Variants in GRIPAP1 observed in about 807,000 individuals in gnomAD.
GRIPAP1 encodes GRIP1 associated protein 1.
Under a neutral mutation model 84.1 loss-of-function variants are expected in GRIPAP1, and 14 were observed. The observed-to-expected ratio is 0.17, with a 90% CI of 0.11 to 0.26. The LOEUF (loss-of-function observed/expected upper bound fraction) is 0.26. Ranked by LOEUF, GRIPAP1 falls within the 10% of genes least tolerant of loss-of-function variation. The probability of loss-of-function intolerance (pLI) is 1.00; values close to 1 mark genes in which losing one functional copy is unlikely to be tolerated. For missense variants in GRIPAP1, 518 were observed against 674.2 expected (o/e 0.77, Z 2.57); for synonymous variants, 261 against 256.8 (o/e 1.02, Z -0.15).
intron 18 of GRIPAP1, 21 bp from the exon 19 acceptor site, chrX:48,981,712 T>A: frequency 8.5e-7 from 1 of 1,182,053 alleles, no homozygotes; most frequent in Non-Finnish European, 1.2e-6. Context: ...GAAAGCAGCT[T>A]AGGCATTGGC....
At position 48,983,860 on chromosome X, in the gene GRIPAP1, C is replaced by T. The variant is rs139086270; in HGVS notation, c.1187G>A (p.Arg396Gln). Residue 396 changes from arginine to glutamine, a missense_variant, in exon 15 of 26, where the codon CGG (arginine) becomes CAG (glutamine). Arg to Gln is a conservative substitution (Grantham distance 43). Coordinates refer to ENST00000376423, the MANE Select transcript of GRIPAP1 (RefSeq NM_020137.5). ...DLNSQLQESL[R>Q]ANSRLLEQLQ... ...TTGTTCCAGCAGTCGACTATTGGCCCGTAATGACTCCTAATGCAGACACCA... is the reference window on the plus strand; with the variant it reads ...TTGTTCCAGCAGTCGACTATTGGCCTGTAATGACTCCTAATGCAGACACCA... 748 of 1,146,651 alleles carry T rather than the reference C, an allele frequency of 6.5e-4. 1 individual carries two copies. Among genetic ancestry groups the T allele is most frequent in the Non-Finnish European group, 7.2e-4 (605 of 837,854 alleles). 94.5% of individuals were successfully genotyped at this position (1,146,651 alleles called of 1,213,427 possible).
chrX:48,991,257 A>G (rs1257691330), intron 6 of GRIPAP1, 147 bp from the exon 7 acceptor site: 5 of 462,316 alleles, frequency 1.1e-5, no homozygotes, highest in South Asian at 3.2e-5. Context: ...ACGAAGGTTC[A>G]GCTCTATCCA....
rs911314884 is a variant in GRIPAP1, at chrX:48,994,379, G to A, written c.307-801C>T. Among the ~76,000 whole-genome samples, 25 of 109,893 alleles carry A rather than the reference G, an allele frequency of 2.3e-4. No individual in the cohort carries two copies. In the Admixed American group the frequency reaches 2.3e-3, roughly 10 times the overall value. On this transcript the variant is annotated intron_variant, in intron 5 of 25. Coordinates refer to ENST00000376423, the MANE Select transcript of GRIPAP1 (RefSeq NM_020137.5). ...GCTGGGACTACAGGCATGCGCCACCGTGCCCGGCTAATTTTTGTATTCTTA... is the reference window on the plus strand; with the variant it reads ...GCTGGGACTACAGGCATGCGCCACCATGCCCGGCTAATTTTTGTATTCTTA...
At chrX:48,980,425 C>T (rs782765763) in intron 21 of GRIPAP1, among the ~76,000 whole-genome samples, 1 of 110,526 alleles carries the variant, frequency 9.0e-6, no homozygotes, top group Admixed American at 9.7e-5. Flanking sequence ...TGTACTTGAG[C>T]AGGGAGATTT....
rs199909707 is a variant in GRIPAP1 at position 48,989,818 on chromosome X, G to A, written c.770+17C>T. On this transcript the variant is annotated intron_variant, in intron 10 of 25. Transcript: ENST00000376423. ...CTGTCCCAATTGTCCACCAATACCCGCAAATCTGGCAGTTACCTGCTGTCA... is the reference window on the plus strand; with the variant it reads ...CTGTCCCAATTGTCCACCAATACCCACAAATCTGGCAGTTACCTGCTGTCA... The A allele has an allele frequency of 8.1e-4, 974 of 1,199,000 alleles. 1 individual carries two copies. The highest frequency in any genetic ancestry group is 1.0e-3 in the Non-Finnish European group (903 of 885,491).
At chrX:48,975,383 G>A (rs2064416850) in intron 24 of GRIPAP1, 74 bp from the exon 25 acceptor site, 1 of 1,016,002 alleles carries the variant, frequency 9.8e-7, no homozygotes, top group Non-Finnish European at 1.3e-6. Context: ...GAGGAGAAAA[G>A]AGGGAGACGA....
intron 13 of GRIPAP1, among the ~76,000 whole-genome samples, chrX:48,986,686 C>A: frequency 9.0e-6 from 1 of 110,522 alleles, no homozygotes; most frequent in Non-Finnish European, 1.9e-5. Flanking sequence ...TGAGCCACTG[C>A]GCCTGGCCTA....
chrX:48,974,144 G>C lies in GRIPAP1; in HGVS notation c.*49C>G, dbSNP rs2064410018. ...TTTTCCACCACAGCCCAAGGGAATA[G>C]CATCCTAGGGGGTAGGAAGGGGAGG... On this transcript the variant is annotated 3_prime_UTR_variant, in exon 26 of 26. Coordinates refer to ENST00000376423, the MANE Select transcript of GRIPAP1 (RefSeq NM_020137.5). The C allele has an allele frequency of 1.2e-6, 1 of 852,509 alleles. No individual in the cohort carries two copies. The highest frequency in any genetic ancestry group is 1.7e-6 in the Non-Finnish European group (1 of 578,959). 70.3% of individuals were successfully genotyped at this position (852,509 alleles called of 1,213,427 possible).
In GRIPAP1 at chrX:48,983,238, C is replaced by A; in HGVS notation, c.1475G>T (p.Arg492Leu). The change falls in exon 16 of 26, where the codon CGG becomes CTG. Residue 492 changes from arginine to leucine, a missense_variant. Arg to Leu is a moderately radical substitution (Grantham distance 102, BLOSUM62 -2). Transcript: ENST00000376423. Reference sequence around the variant, plus strand: ...CATCTACCCACCCACCTTCTCCTCCCGGATCTGCCCACGGAGCTCCTCCTC... The same window carrying A: ...CATCTACCCACCCACCTTCTCCTCCAGGATCTGCCCACGGAGCTCCTCCTC... The part of the protein sequence containing the change: ...RQEEELRGQI[R>L]EEKARTRELE... The A allele has an allele frequency of 8.3e-7, 1 of 1,210,019 alleles. No homozygotes were observed. The highest frequency in any genetic ancestry group is 1.8e-5 in the South Asian group (1 of 56,990).
At chrX:48,990,787 C>T (rs1319363611) in intron 7 of GRIPAP1, 55 bp from the exon 8 acceptor site, 1 of 1,088,954 alleles carries the variant, frequency 9.2e-7, no homozygotes, top group Non-Finnish European at 1.3e-6. Context: ...CAAGGAGAAG[C>T]CTTCCCCTGC....
chrX:48,991,137 TG>T, intron 6 of GRIPAP1, 27 bp from the exon 7 acceptor site: 1 of 1,058,402 alleles, frequency 9.4e-7, no homozygotes, highest in African/African-American at 1.8e-5. Context: ...GGATATATGA[TG>T]GATGAGGTGG....
chrX:48,988,458 A>C, intron 11 of GRIPAP1: 1 of 362,840 alleles, frequency 2.8e-6, no homozygotes, highest in Non-Finnish European at 4.9e-6. Flanking sequence ...CGCGGTTCAA[A>C]CTCACTCAGC....
rs57721450 is a variant in GRIPAP1, at chrX:48,988,382, C to T, written c.871-184G>A. On this transcript the variant is annotated intron_variant, in intron 11 of 25. Coordinates refer to ENST00000376423, the MANE Select transcript of GRIPAP1 (RefSeq NM_020137.5). Reference sequence around the variant, plus strand: ...TCACTACCCTCAGGGGCCTCAGACACAGTCAACCCCTCTATCCCAGCGTAC... The same window carrying T: ...TCACTACCCTCAGGGGCCTCAGACATAGTCAACCCCTCTATCCCAGCGTAC... 101 of 434,401 alleles carry T rather than the reference C, an allele frequency of 2.3e-4. No individual in the cohort carries two copies. In the African/African-American group the frequency reaches 2.4e-3, roughly 10 times the overall value. 35.8% of individuals were successfully genotyped at this position (434,401 alleles called of 1,213,427 possible).
At chrX:48,986,953 A>T (rs1448093951) in intron 13 of GRIPAP1, among the ~76,000 whole-genome samples, 4 of 108,334 alleles carry the variant, frequency 3.7e-5, no homozygotes, top group African/African-American at 1.4e-4. Flanking sequence ...GGCTCAAGCA[A>T]TTCTCCCACC....
chrX:48,987,749 G>C, intron 13 of GRIPAP1, 36 bp downstream of exon 13: 1 of 869,776 alleles, frequency 1.1e-6, no homozygotes, highest in Non-Finnish European at 1.7e-6. Flanking sequence ...GGGGGAACTG[G>C]AGAGGGATCA....
chrX:48,983,028 G>C lies in GRIPAP1; in HGVS notation c.1550C>G (p.Ser517Cys). Residue 517 changes from serine (S) to cysteine (C), a missense_variant, in exon 17 of 26, where the codon TCC becomes TGC. Around this residue, in one of 5 missense-constraint regions of GRIPAP1, gnomAD observed 372 missense variants for 458.1 expected, o/e 0.81. Coordinates refer to ENST00000376423, the MANE Select transcript of GRIPAP1 (RefSeq NM_020137.5). ...TVEELQAQVHSMDGAKGWFER... is the reference protein window; with the variant it reads ...TVEELQAQVHCMDGAKGWFER... ...AAACCAGCCCTTGGCTCCATCCATGGAATGTACCTGAGCTTGAAGTTCTTC... is the reference window on the plus strand; with the variant it reads ...AAACCAGCCCTTGGCTCCATCCATGCAATGTACCTGAGCTTGAAGTTCTTC... 3 of 1,209,462 alleles carry C rather than the reference G, an allele frequency of 2.5e-6. No individual in the cohort carries two copies. The highest frequency in any genetic ancestry group is 3.4e-6 in the Non-Finnish European group (3 of 893,138).
Position 48,976,345 on chromosome X carries a change from G to C in GRIPAP1, c.2080C>G (p.Gln694Glu). 2 of 1,200,795 alleles carry C rather than the reference G, an allele frequency of 1.7e-6. No homozygotes were observed. The highest frequency in any genetic ancestry group is 2.2e-6 in the Non-Finnish European group (2 of 890,417). The change falls in exon 23 of 26, where the codon CAA becomes GAA. Residue 694 changes from glutamine to glutamate, a missense_variant. Gln to Glu is a conservative substitution (Grantham distance 29). Transcript: ENST00000376423. ...VPARSLSSSP[Q>E]AQPPRPAELS... ...TCTGCTGGCCGAGGGGGCTGGGCTT[G>C]AGGGCTGCTGGATAAGGACTGCAGG...
intron 1 of GRIPAP1, chrX:49,001,108 T>C (rs782319858): frequency 5.4e-5 from 6 of 110,307 alleles, no homozygotes; most frequent in African/African-American, 2.0e-4. Flanking sequence ...TCATGATCCA[T>C]TGGGAATGGC....
chrX:48,973,892 AAAAT>A lies in GRIPAP1; in HGVS notation c.*297_*300del, dbSNP rs1309287921. The A allele has an allele frequency of 3.4e-5, 3 of 88,858 alleles. No homozygotes were observed. The highest frequency in any genetic ancestry group is 2.3e-3 in the Middle Eastern group (1 of 431). 7.3% of individuals were successfully genotyped at this position (88,858 alleles called of 1,213,427 possible). A position where few individuals can be genotyped will look rare whatever the true frequency, so the allele number is the denominator to read the frequency against. On this transcript the variant is annotated 3_prime_UTR_variant, in exon 26 of 26. Coordinates refer to ENST00000376423, the MANE Select transcript of GRIPAP1 (RefSeq NM_020137.5). Reference sequence around the variant, plus strand: ...CATAAATTAAAAAATAAAATAAAATAAAATAAAAAGAGTTGGTCTCTGGGAAGGA... The same window carrying A: ...CATAAATTAAAAAATAAAATAAAATAAAAAAGAGTTGGTCTCTGGGAAGGA...
Sources: gnomAD v4.1 joint callset for allele counts (sites outside exome capture counted in the v4.1 genomes callset) on GRCh38, gnomAD v4.1.1 for gene constraint, gnomAD v4.1.1 regional missense constraint, MANE v1.5 for transcripts, NCBI Gene and HGNC (gene_info 2026-07-23, HGNC 2026-07-21) for gene names.